PCDHA13: variants seen among roughly 807,000 people sequenced by gnomAD.
PCDHA13 encodes protocadherin alpha 13, also known as protocadherin alpha-13.
A neutral mutation model predicts 64.8 loss-of-function variants in PCDHA13; 54 were observed. The observed-to-expected ratio is 0.83, with a 90% CI of 0.67 to 1.04. PCDHA13 has a LOEUF of 1.04. PCDHA13 is among the 50% of genes least tolerant of loss of function. The probability of loss-of-function intolerance (pLI) is 0.00; values close to 1 mark genes in which losing one functional copy is unlikely to be tolerated. For missense variants in PCDHA13, 1,248 were observed against 1,254.3 expected, an observed-to-expected ratio of 0.99 and a Z score of 0.08; for synonymous variants, 587 against 564.4, an observed-to-expected ratio of 1.04 and a Z score of -0.57.
intron 1 of PCDHA13, among the ~76,000 whole-genome samples, chr5:140,949,857 G>A (rs1554219193): frequency 6.6e-6 from 1 of 151,520 alleles, no homozygotes; most frequent in East Asian, 1.9e-4. Context: ...CCGCTTATCT[G>A]TTGTCTTTTG....
intron 1 of PCDHA13, among the ~76,000 whole-genome samples, chr5:140,912,495 GC>G (rs2075942069): frequency 6.6e-6 from 1 of 152,084 alleles, no homozygotes. Context: ...AGATCTAGGA[GC>G]TTTTTGGATG....
At chr5:140,967,066 C>A (rs782715200) in intron 1 of PCDHA13, 2 of 1,612,908 alleles carry the variant, frequency 1.2e-6, no homozygotes, top group Non-Finnish European at 1.7e-6. Context: ...GAGCGCTCTT[C>A]GTCAACGAGC....
chr5:141,007,498 G>A (rs936217793), intron 3 of PCDHA13, among the ~76,000 whole-genome samples: 1 of 151,942 alleles, frequency 6.6e-6, no homozygotes. Flanking sequence ...GACCTAGGAG[G>A]CAGAGACTGC....
intron 1 of PCDHA13, among the ~76,000 whole-genome samples, chr5:140,904,286 T>A (rs2071021710): frequency 6.6e-6 from 1 of 152,150 alleles, no homozygotes; most frequent in South Asian, 2.1e-4. Context: ...ATGTGGTGTT[T>A]GGTTTTCCAT....
intron 1 of PCDHA13, among the ~76,000 whole-genome samples, chr5:140,890,167 A>G (rs1423577741): frequency 6.6e-6 from 1 of 152,174 alleles, no homozygotes; most frequent in East Asian, 1.9e-4. Context: ...CTGCCACAGA[A>G]ATAGGCAAAT....
chr5:140,893,135 T>C (rs1405005785), intron 1 of PCDHA13, among the ~76,000 whole-genome samples: 1 of 152,252 alleles, frequency 6.6e-6, no homozygotes, highest in Non-Finnish European at 1.5e-5. Flanking sequence ...ATTTTCTTTA[T>C]CCACTCATCT....
chr5:141,007,981 T>C (rs1346324109), intron 3 of PCDHA13, among the ~76,000 whole-genome samples: 1 of 152,260 alleles, frequency 6.6e-6, no homozygotes, highest in African/African-American at 2.4e-5. Context: ...GTCATGTATA[T>C]ATGAAATGTA....
chr5:140,931,838 C>G (rs572437091), intron 1 of PCDHA13, among the ~76,000 whole-genome samples: 4 of 151,894 alleles, frequency 2.6e-5, no homozygotes, highest in African/African-American at 9.6e-5. Context: ...ATCCTGAATG[C>G]CTTAATAACA....
At position 140,969,169 on chromosome 5, in the gene PCDHA13, A is replaced by G. The variant is rs201735192; in HGVS notation, c.2395-9780A>G. 2.0e-5 allele frequency: 33 copies of G among 1,614,094 alleles called. No homozygotes were observed. In the Admixed American group the frequency reaches 5.5e-4, roughly 27 times the overall value. On this transcript the variant is annotated intron_variant, in intron 1 of 3. Transcript: ENST00000289272. The stretch of plus-strand genomic sequence containing the variant: ...ACAAGGCCTGTCTGACAGCAGGCTC[A>G]GGGAGTGACACTTTCATGTTTTACA...
At chr5:140,926,598 G>A (rs2083387215) in intron 1 of PCDHA13, 1 of 313,802 alleles carries the variant, frequency 3.2e-6, no homozygotes. Flanking sequence ...CGGGCGGGCG[G>A]CCTCGTCTCT....
rs200797202 is a variant in PCDHA13 at position 140,937,911 on chromosome 5, C to CA, written c.2395-41022dup. On this transcript the variant is annotated intron_variant, in intron 1 of 3. Coordinates refer to ENST00000289272, the MANE Select transcript of PCDHA13 (RefSeq NM_018904.3). ...TGGGCGACAGAGTGAGACTCCGTCT[C>CA]AAAAAAAAAAAAAAAAGTTTAATTT... 3.1e-3 allele frequency among the ~76,000 whole-genome samples: 361 copies of CA among 117,828 alleles called. 2 individuals are homozygous for CA. In the East Asian group the frequency reaches 0.042, roughly 14 times the overall value. 77.3% of individuals were successfully genotyped at this position (117,828 alleles called of 152,430 possible).
chr5:141,008,074 G>A (rs1484978543), intron 3 of PCDHA13, among the ~76,000 whole-genome samples: 1 of 151,988 alleles, frequency 6.6e-6, no homozygotes, highest in Non-Finnish European at 1.5e-5. Flanking sequence ...AGAACTTATT[G>A]GGGTTATTCT....
intron 1 of PCDHA13, among the ~76,000 whole-genome samples, chr5:140,957,274 C>A (rs1251520860): frequency 6.6e-6 from 1 of 152,104 alleles, no homozygotes; most frequent in South Asian, 2.1e-4. Context: ...ACTAGTCCCC[C>A]CTTACCTGCA....
chr5:140,956,464 A>C (rs1340273443), intron 1 of PCDHA13, among the ~76,000 whole-genome samples: 1 of 152,148 alleles, frequency 6.6e-6, no homozygotes, highest in Admixed American at 6.6e-5. Flanking sequence ...ATTGATTTGC[A>C]TATGTTGAAC....
At position 141,010,692 on chromosome 5, in the gene PCDHA13, G is replaced by A. The variant is rs1415098319; in HGVS notation, c.*755G>A. The A allele has an allele frequency of 1.9e-5, 3 of 159,998 alleles. No homozygotes were observed. The highest frequency in any genetic ancestry group is 7.2e-5 in the African/African-American group (3 of 41,584). 9.9% of individuals were successfully genotyped at this position (159,998 alleles called of 1,614,324 possible). On this transcript the variant is annotated 3_prime_UTR_variant, in exon 4 of 4. Coordinates refer to ENST00000289272, the MANE Select transcript of PCDHA13 (RefSeq NM_018904.3). ...TGGGAAACAGAAGCAGATCTGATGT[G>A]TTTCCTATACATGTCCTGTGCTCAC...
At chr5:140,938,251 A>C (rs1015321564) in intron 1 of PCDHA13, among the ~76,000 whole-genome samples, 4 of 152,176 alleles carry the variant, frequency 2.6e-5, no homozygotes, top group Non-Finnish European at 5.9e-5. Context: ...TGGTCTTTTA[A>C]AAACTTTCTA....
At chr5:140,956,098 GA>G (rs2095256801) in intron 1 of PCDHA13, among the ~76,000 whole-genome samples, 1 of 152,160 alleles carries the variant, frequency 6.6e-6, no homozygotes, top group African/African-American at 2.4e-5. Context: ...TGCAAACAAA[GA>G]TAATTTGATT....
intron 1 of PCDHA13, chr5:140,968,978 G>A: frequency 1.9e-6 from 3 of 1,614,212 alleles, no homozygotes; most frequent in Non-Finnish European, 1.7e-6. Flanking sequence ...CACTGCGTAT[G>A]GCACTGCATG....
In PCDHA13 at chr5:140,978,971, G is replaced by C. The variant is rs782774245; in HGVS notation, c.2417G>C (p.Trp806Ser). Residue 806 changes from tryptophan (W) to serine (S), a missense_variant, in exon 2 of 4, where the codon TGG (tryptophan) becomes TCG (serine). Trp to Ser is a radical substitution (Grantham distance 177). Transcript: ENST00000289272. ...CAGCCACGACAGCCCAACCCTGACT[G>C]GCGTTACTCTGCCTCCCTGAGAGCA... is the stretch of plus-strand genomic sequence containing the variant. ...LKEPRQPNPD[W>S]RYSASLRAGM... 6.2e-7 allele frequency: 1 copy of C among 1,614,170 alleles called. No homozygotes were observed. The highest frequency in any genetic ancestry group is 2.2e-5 in the East Asian group (1 of 44,882).
Sources: allele counts gnomAD v4.1 joint callset (sites outside exome capture counted in the v4.1 genomes callset), GRCh38; gene constraint gnomAD v4.1.1; transcripts MANE v1.5; gene names NCBI Gene and HGNC (gene_info 2026-07-23, HGNC 2026-07-21).